EDAR: variants seen among roughly 807,000 people sequenced by gnomAD.
The protein encoded by EDAR is ectodysplasin A receptor.
A neutral mutation model predicts 51.3 loss-of-function variants in EDAR; 38 were observed. That is an observed-to-expected ratio of 0.74 (90% CI 0.57 to 0.97). EDAR has a LOEUF of 0.97. EDAR is among the 50% of genes least tolerant of loss of function. The probability of loss-of-function intolerance (pLI) is 0.00; values close to 1 mark genes in which losing one functional copy is unlikely to be tolerated. For synonymous variants in EDAR, 227 were observed against 242.1 expected (o/e 0.94, Z 0.58); for missense variants, 528 against 595.0 (o/e 0.89, Z 1.17).
At chr2:108,932,545 A>T (rs1356342275) in intron 1 of EDAR, among the ~76,000 whole-genome samples, 2 of 151,220 alleles carry the variant, frequency 1.3e-5, no homozygotes, top group African/African-American at 4.9e-5. Context: ...AAAAAAAAAA[A>T]AAAAAAAGAA....
At position 108,931,046 on chromosome 2, in the gene EDAR, G is replaced by A. The variant is rs532111960; in HGVS notation, c.-18-14C>T. 9.0e-4 allele frequency: 1,447 copies of A among 1,612,508 alleles called. 22 individuals are homozygous for A. The South Asian group carries it at 0.015, about 17-fold the overall frequency. On this transcript the variant is annotated splice_polypyrimidine_tract_variant and intron_variant, in intron 1 of 11. Transcript: ENST00000258443. ...CCAAGGGCTCACCTGAAAGACATGC[G>A]TCATTAGCTGGGCACTGGCGGTAGC...
chr2:108,926,572 G>A (rs944914924), intron 4 of EDAR, among the ~76,000 whole-genome samples: 1 of 152,220 alleles, frequency 6.6e-6, no homozygotes, highest in Non-Finnish European at 1.5e-5. Flanking sequence ...ATCCAGAATC[G>A]CGGGGTGGTG....
intron 1 of EDAR, among the ~76,000 whole-genome samples, chr2:108,932,881 T>C (rs1256998088): frequency 6.6e-6 from 1 of 152,220 alleles, no homozygotes; most frequent in Non-Finnish European, 1.5e-5. Flanking sequence ...AACTAATCAG[T>C]TAACTGGCTG....
intron 1 of EDAR, among the ~76,000 whole-genome samples, chr2:108,951,271 C>T (rs1462986344): frequency 6.6e-6 from 1 of 152,168 alleles, no homozygotes; most frequent in Non-Finnish European, 1.5e-5. Context: ...CAGGCCAATG[C>T]CATGTAATTC....
At position 108,923,563 on chromosome 2, in the gene EDAR, G is replaced by T. The variant is rs1386722511; in HGVS notation, c.357-110C>A. 3 of 949,734 alleles carry T rather than the reference G, an allele frequency of 3.2e-6. No homozygotes were observed. In the East Asian group the frequency reaches 7.3e-5, roughly 23 times the overall value. The allele number at this position is 949,734 out of a possible 1,614,324, so 58.8% of individuals were successfully genotyped here. On this transcript the variant is annotated intron_variant, in intron 4 of 11. Coordinates refer to ENST00000258443, the MANE Select transcript of EDAR (RefSeq NM_022336.4). ...GTCTGCAGGCCCACAATCAAGTCGG[G>T]CATGAGGCCACGCCCACTCAGTCAC...
In EDAR at chr2:108,962,872, ATGGT is replaced by A. The variant is rs1698078350; in HGVS notation, c.-19+26084_-19+26087del. On this transcript the variant is annotated intron_variant, in intron 1 of 11. Coordinates refer to ENST00000258443, the MANE Select transcript of EDAR (RefSeq NM_022336.4). Reference sequence around the variant, plus strand: ...CAAATCCAAAGATCCTCACTCTTCAATGGTTTTGTCAAAGATCTACAAACAAGAG... The same window carrying A: ...CAAATCCAAAGATCCTCACTCTTCAATTTGTCAAAGATCTACAAACAAGAG... 1.3e-5 allele frequency among the ~76,000 whole-genome samples: 2 copies of A among 152,116 alleles called. 1 individual carries two copies. Among genetic ancestry groups the A allele is most frequent in the Non-Finnish European group, 2.9e-5 (2 of 68,022 alleles).
chr2:108,967,483 C>G (rs1698167099), intron 1 of EDAR, among the ~76,000 whole-genome samples: 1 of 152,094 alleles, frequency 6.6e-6, no homozygotes, highest in Non-Finnish European at 1.5e-5. Flanking sequence ...GTTTACGGGT[C>G]TCCTACTTGT....
Position 108,975,760 on chromosome 2 carries a change from G to A in EDAR, c.-19+13200C>T, listed in dbSNP as rs118182065. Among the ~76,000 whole-genome samples, 9 of 152,250 alleles carry A rather than the reference G, an allele frequency of 5.9e-5. No individual in the cohort carries two copies. The East Asian group carries it at 1.7e-3, about 29-fold the overall frequency. The stretch of plus-strand genomic sequence containing the variant: ...AATTCATTGGTCCAGCAAGAGAAGG[G>A]TGGCACTGTCGGCCAGGCTCCGTGC... On this transcript the variant is annotated intron_variant, in intron 1 of 11. Transcript: ENST00000258443.
At chr2:108,956,795 T>G (rs113831184) in intron 1 of EDAR, among the ~76,000 whole-genome samples, 26 of 152,206 alleles carry the variant, frequency 1.7e-4, no homozygotes, top group South Asian at 1.5e-3. Context: ...TTTTTTTTTT[T>G]GTTTTTTTTG....
intron 1 of EDAR, among the ~76,000 whole-genome samples, chr2:108,946,871 G>A (rs920238351): frequency 2.3e-4 from 34 of 149,638 alleles, no homozygotes; most frequent in South Asian, 2.1e-4. Context: ...ACCTTATTCC[G>A]CCCCTGGTCC....
At chr2:108,911,332 G>C (rs551200911) in intron 6 of EDAR, among the ~76,000 whole-genome samples, 1 of 152,282 alleles carries the variant, frequency 6.6e-6, no homozygotes, top group South Asian at 2.1e-4. Context: ...TTGTTCCTAG[G>C]GAGTTTGCTC....
chr2:108,938,199 C>G (rs1294705713), intron 1 of EDAR, among the ~76,000 whole-genome samples: 1 of 152,188 alleles, frequency 6.6e-6, no homozygotes, highest in African/African-American at 2.4e-5. Context: ...TTCTATTTGA[C>G]TCAACTTTTT....
intron 1 of EDAR, among the ~76,000 whole-genome samples, chr2:108,948,287 T>C (rs1013348414): frequency 9.2e-5 from 14 of 152,230 alleles, no homozygotes; most frequent in African/African-American, 3.4e-4. Flanking sequence ...TCAAAATCAT[T>C]CAACAAGTCT....
intron 1 of EDAR, among the ~76,000 whole-genome samples, chr2:108,978,038 T>C (rs1698357176): frequency 6.6e-6 from 1 of 152,124 alleles, no homozygotes; most frequent in Non-Finnish European, 1.5e-5. Context: ...AGGGCTGCGG[T>C]TCAAAGTCGT....
chr2:108,953,841 T>C (rs1043708692), intron 1 of EDAR, among the ~76,000 whole-genome samples: 7 of 152,140 alleles, frequency 4.6e-5, no homozygotes, highest in Non-Finnish European at 7.4e-5. Flanking sequence ...TTTAACACCA[T>C]TTGTGTGCCC....
chr2:108,914,467 G>A (rs1009382710), intron 5 of EDAR, among the ~76,000 whole-genome samples: 8 of 152,072 alleles, frequency 5.3e-5, no homozygotes, highest in Non-Finnish European at 2.9e-5. Context: ...TTAAAGCTAT[G>A]CTTCCCACAA....
At chr2:108,979,857 C>A (rs532314187) in intron 1 of EDAR, among the ~76,000 whole-genome samples, 29 of 152,170 alleles carry the variant, frequency 1.9e-4, no homozygotes, top group Admixed American at 3.9e-4. Flanking sequence ...GCCAGCCTGG[C>A]TCTGACGGGC....
intron 10 of EDAR, among the ~76,000 whole-genome samples, chr2:108,907,015 G>C (rs1696819923): frequency 6.6e-6 from 1 of 152,240 alleles, no homozygotes; most frequent in African/African-American, 2.4e-5. Context: ...GCAGCCAGGG[G>C]CACAGGCTAG....
intron 1 of EDAR, among the ~76,000 whole-genome samples, chr2:108,976,064 T>G (rs1305279800): frequency 2.0e-5 from 3 of 152,186 alleles, no homozygotes; most frequent in Non-Finnish European, 4.4e-5. Context: ...CAAATACTGG[T>G]GCAATACTGG....
Sources: allele counts gnomAD v4.1 joint callset (sites outside exome capture counted in the v4.1 genomes callset), GRCh38; gene constraint gnomAD v4.1.1; transcripts MANE v1.5; gene names NCBI Gene and HGNC (gene_info 2026-07-23, HGNC 2026-07-21).